The following TBC1D22A variants were observed in gnomAD, a reference collection of about 807,000 sequenced individuals.
TBC1D22A encodes TBC1 domain family member 22A.
Under a neutral mutation model 60.2 loss-of-function variants are expected in TBC1D22A, and 38 were observed. The ratio of observed to expected loss-of-function variants is 0.63; its 90% CI spans 0.49 to 0.83. The LOEUF (loss-of-function observed/expected upper bound fraction) is 0.83. Among genes scored for constraint, TBC1D22A ranks in the 40% least tolerant of loss-of-function variants. The probability of loss-of-function intolerance (pLI) is 0.00; values close to 1 mark genes in which losing one functional copy is unlikely to be tolerated. For synonymous variants in TBC1D22A, 302 were observed against 281.7 expected (o/e 1.07, Z -0.72); for missense variants, 628 against 701.0 (o/e 0.90, Z 1.18).
chr22:47,021,096 G>C (rs9616201), intron 10 of TBC1D22A, among the ~76,000 whole-genome samples: 6,477 of 151,764 alleles, frequency 0.043, 222 homozygotes, highest in African/African-American at 0.087. Context: ...GAGGATGCAG[G>C]CCTGATGGCA....
At chr22:46,886,188 C>T (rs199959309) in intron 5 of TBC1D22A, among the ~76,000 whole-genome samples, 7 of 152,142 alleles carry the variant, frequency 4.6e-5, no homozygotes, top group Non-Finnish European at 1.0e-4. Flanking sequence ...TGTGAGCCGC[C>T]GCGCCCGGCC....
intron 4 of TBC1D22A, among the ~76,000 whole-genome samples, chr22:46,836,010 A>G (rs1360220108): frequency 6.6e-6 from 1 of 152,218 alleles, no homozygotes; most frequent in African/African-American, 2.4e-5. Flanking sequence ...TGAGGGCAAG[A>G]GTTTCCCAGA....
intron 10 of TBC1D22A, among the ~76,000 whole-genome samples, chr22:47,017,133 A>G (rs1338693721): frequency 6.6e-6 from 1 of 152,174 alleles, no homozygotes; most frequent in Non-Finnish European, 1.5e-5. Flanking sequence ...CTTTCCTGTC[A>G]TTAATGGTGT....
intron 4 of TBC1D22A, among the ~76,000 whole-genome samples, chr22:46,854,151 G>A (rs184221352): frequency 6.4e-4 from 98 of 152,302 alleles, no homozygotes; most frequent in Admixed American, 9.8e-4. Flanking sequence ...CCCAGTGTCC[G>A]TGTCTTCCGG....
chr22:46,961,995 A>G (rs2073530863), intron 8 of TBC1D22A, among the ~76,000 whole-genome samples: 1 of 152,244 alleles, frequency 6.6e-6, no homozygotes, highest in African/African-American at 2.4e-5. Flanking sequence ...AGGTTCCTGC[A>G]GATTTCGTCA....
intron 9 of TBC1D22A, among the ~76,000 whole-genome samples, chr22:46,975,738 G>T (rs1291078820): frequency 1.3e-5 from 2 of 152,190 alleles, no homozygotes; most frequent in East Asian, 3.8e-4. Context: ...ATAGCCTGTG[G>T]TCTAAGGTTT....
At chr22:46,844,633 C>T (rs565449132) in intron 4 of TBC1D22A, among the ~76,000 whole-genome samples, 37 of 152,196 alleles carry the variant, frequency 2.4e-4, no homozygotes, top group African/African-American at 8.7e-4. Flanking sequence ...GAGGTGGGGC[C>T]GAGTGATTCC....
chr22:47,168,232 G>T (rs2068280234), intron 12 of TBC1D22A, among the ~76,000 whole-genome samples: 1 of 150,174 alleles, frequency 6.7e-6, no homozygotes, highest in Admixed American at 6.6e-5. Flanking sequence ...GCCCAGCAAA[G>T]TGCTGTGGGC....
At chr22:46,887,133 G>A (rs2068158939) in intron 5 of TBC1D22A, among the ~76,000 whole-genome samples, 1 of 152,222 alleles carries the variant, frequency 6.6e-6, no homozygotes, top group South Asian at 2.1e-4. Flanking sequence ...GAACACCTGT[G>A]AATCAGAAAG....
chr22:47,155,186 C>A (rs1423079453), intron 12 of TBC1D22A, among the ~76,000 whole-genome samples: 1 of 150,846 alleles, frequency 6.6e-6, no homozygotes, highest in Non-Finnish European at 1.5e-5. Context: ...CACTGAAAGG[C>A]GCTTTTCTCT....
At chr22:47,034,989 C>A (rs1186179454) in intron 10 of TBC1D22A, among the ~76,000 whole-genome samples, 1 of 152,166 alleles carries the variant, frequency 6.6e-6, no homozygotes, top group African/African-American at 2.4e-5. Context: ...CTCGTCCACC[C>A]AAATGTTCCA....
chr22:46,779,331 A>G (rs1431190487), intron 1 of TBC1D22A, among the ~76,000 whole-genome samples: 1 of 152,076 alleles, frequency 6.6e-6, no homozygotes, highest in Non-Finnish European at 1.5e-5. Flanking sequence ...GTTGTTGACT[A>G]AAATGTCGTT....
chr22:46,837,845 G>A (rs1259240350), intron 4 of TBC1D22A, among the ~76,000 whole-genome samples: 4 of 152,178 alleles, frequency 2.6e-5, no homozygotes, highest in Non-Finnish European at 4.4e-5. Flanking sequence ...AGTGGATCAC[G>A]AGGTCAGGAG....
At chr22:47,011,282 C>T (rs1285956017) in intron 10 of TBC1D22A, among the ~76,000 whole-genome samples, 2 of 152,244 alleles carry the variant, frequency 1.3e-5, no homozygotes, top group South Asian at 2.1e-4. Context: ...CCTTGGGAGC[C>T]GCAGCCTGCA....
At chr22:46,921,513 A>G (rs1245353363) in intron 8 of TBC1D22A, among the ~76,000 whole-genome samples, 2 of 152,104 alleles carry the variant, frequency 1.3e-5, no homozygotes, top group Non-Finnish European at 2.9e-5. Context: ...GGTTGTTTCC[A>G]TATTTTTTGC....
At chr22:47,014,265 G>A (rs964916340) in intron 10 of TBC1D22A, among the ~76,000 whole-genome samples, 3 of 152,176 alleles carry the variant, frequency 2.0e-5, no homozygotes, top group African/African-American at 7.2e-5. Context: ...CTCCCATCTG[G>A]CTTTCTCCCC....
intron 10 of TBC1D22A, among the ~76,000 whole-genome samples, chr22:47,007,802 C>T (rs2061638657): frequency 6.6e-6 from 1 of 152,156 alleles, no homozygotes; most frequent in Non-Finnish European, 1.5e-5. Flanking sequence ...CTCACAATCG[C>T]ATTTAATCTT....
At chr22:47,090,582 G>A (rs945230092) in intron 11 of TBC1D22A, among the ~76,000 whole-genome samples, 1 of 152,244 alleles carries the variant, frequency 6.6e-6, no homozygotes, top group Admixed American at 6.5e-5. Context: ...GTGTCCGGTG[G>A]TGGGTCCTGG....
At chr22:47,160,274 T>A (rs6007615) in intron 12 of TBC1D22A, among the ~76,000 whole-genome samples, 18,913 of 152,234 alleles carry the variant, frequency 0.12, 1,255 homozygotes, top group Middle Eastern at 0.14. Context: ...GTGGTCAGGA[T>A]ACAGGGTGGG....
Sources: allele counts gnomAD v4.1 joint callset (sites outside exome capture counted in the v4.1 genomes callset), GRCh38; gene constraint gnomAD v4.1.1; transcripts MANE v1.5; gene names NCBI Gene and HGNC (gene_info 2026-07-23, HGNC 2026-07-21).